Variants in TIPARP observed in about 807,000 individuals in gnomAD.
TIPARP encodes TCDD inducible poly(ADP-ribose) polymerase.
A neutral mutation model predicts 56.5 loss-of-function variants in TIPARP; 12 were observed. The ratio of observed to expected loss-of-function variants is 0.21; its 90% CI spans 0.14 to 0.34. The LOEUF is 0.34. Among genes scored for constraint, TIPARP ranks in the 10% least tolerant of loss-of-function variants. TIPARP has a pLI of 1.00. For missense variants in TIPARP, 604 were observed against 781.6 expected (o/e 0.77, Z 2.71); for synonymous variants, 296 against 265.7 (o/e 1.11, Z -1.11).
At chr3:156,682,350 A>G (rs903685357) in intron 2 of TIPARP, among the ~76,000 whole-genome samples, 4 of 152,176 alleles carry the variant, frequency 2.6e-5, no homozygotes, top group African/African-American at 9.7e-5. Flanking sequence ...TTTTGGGATT[A>G]ATGCTCACTG....
chr3:156,695,743 C>A, intron 3 of TIPARP, 122 bp from the exon 4 acceptor site: 3 of 1,327,400 alleles, frequency 2.3e-6, no homozygotes, highest in Non-Finnish European at 3.0e-6. Context: ...GTTATTTAGA[C>A]TCACTGTACT....
chr3:156,686,287 C>T lies in TIPARP; in HGVS notation c.917+7673C>T, dbSNP rs184341708. On this transcript the variant is annotated intron_variant, in intron 2 of 5. Transcript: ENST00000295924. ...TCTTAACTAATTGATAAAATTGAAT[C>T]TATCATAGAAACTTGGCTTTGTAGA... is the stretch of plus-strand genomic sequence containing the variant. Among the ~76,000 whole-genome samples the T allele has an allele frequency of 2.0e-5, 3 of 152,282 alleles. No homozygotes were observed. In the East Asian group the frequency reaches 5.8e-4, roughly 29 times the overall value.
intron 2 of TIPARP, among the ~76,000 whole-genome samples, chr3:156,688,141 C>G (rs1464936510): frequency 6.6e-6 from 1 of 152,038 alleles, no homozygotes; most frequent in Non-Finnish European, 1.5e-5. Flanking sequence ...GTAATCTTAG[C>G]TTTTTGGAAG....
intron 2 of TIPARP, among the ~76,000 whole-genome samples, chr3:156,680,642 A>G (rs1286993003): frequency 1.3e-5 from 2 of 152,222 alleles, no homozygotes; most frequent in Non-Finnish European, 2.9e-5. Context: ...TACCATGAGA[A>G]CAAGGCAAGA....
chr3:156,705,402 T>C lies in TIPARP; in HGVS notation c.*271T>C, dbSNP rs948246044. ...CTCTTTTCATTCACACTTGTACATA[T>C]AGACAGCAATGTTATTAGGAGCATT... is the stretch of plus-strand genomic sequence containing the variant. On this transcript the variant is annotated 3_prime_UTR_variant, in exon 6 of 6. Coordinates refer to ENST00000295924, the MANE Select transcript of TIPARP (RefSeq NM_015508.5). The C allele has an allele frequency of 1.1e-5, 3 of 266,532 alleles. No individual in the cohort carries two copies. Among genetic ancestry groups the C allele is most frequent in the Admixed American group, 9.7e-5 (2 of 20,698 alleles). 16.5% of individuals were successfully genotyped at this position (266,532 alleles called of 1,614,324 possible).
chr3:156,678,807 G>A lies in TIPARP; in HGVS notation c.917+193G>A, dbSNP rs192077304. On this transcript the variant is annotated intron_variant, in intron 2 of 5. Transcript: ENST00000295924. ...CTATTAACTCAACCGGACAATGAAA[G>A]TTTTACGATTTGAACAATTCATATG... 2.6e-4 allele frequency among the ~76,000 whole-genome samples: 40 copies of A among 152,288 alleles called. 1 individual carries two copies. The South Asian group carries it at 5.4e-3, about 21-fold the overall frequency.
In TIPARP at chr3:156,678,247, T is replaced by G. The variant is rs777469638; in HGVS notation, c.550T>G (p.Tyr184Asp). ...SPDCLDKVID[Y>D]VPGIFQENSF... ...TGACTGCTTAGACAAAGTCATAGAT[T>G]ATGTTCCAGGCATTTTCCAAGAAAA... The change falls in exon 2 of 6, where the codon TAT becomes GAT. Residue 184 changes from tyrosine to aspartate, a missense_variant. Coordinates refer to ENST00000295924, the MANE Select transcript of TIPARP (RefSeq NM_015508.5). The G allele has an allele frequency of 1.2e-6, 2 of 1,614,158 alleles. No homozygotes were observed. The highest frequency in any genetic ancestry group is 1.1e-5 in the South Asian group (1 of 91,090).
rs940503635 is a variant in TIPARP, at chr3:156,692,854, AT to A, written c.918-1155del. Among the ~76,000 whole-genome samples, 23 of 148,846 alleles carry A rather than the reference AT, an allele frequency of 1.5e-4. No individual in the cohort carries two copies. The South Asian group carries it at 2.5e-3, about 16-fold the overall frequency. ...CTAGCTAGCAAAACCCGTAGATCAA[AT>A]TTTTTTTTTTAGACAGTTTCACTCT... On this transcript the variant is annotated intron_variant, in intron 2 of 5. Transcript: ENST00000295924.
intron 1 of TIPARP, among the ~76,000 whole-genome samples, chr3:156,676,102 G>A (rs1722118436): frequency 6.6e-6 from 1 of 152,218 alleles, no homozygotes; most frequent in African/African-American, 2.4e-5. Flanking sequence ...AGCACAGGCC[G>A]GTTTGGTATG....
In TIPARP at chr3:156,695,581, C is replaced by G. The variant is rs546788734; in HGVS notation, c.1087-284C>G. 1.4e-3 allele frequency among the ~76,000 whole-genome samples: 211 copies of G among 151,988 alleles called. 1 individual carries two copies. The highest frequency in any genetic ancestry group is 2.8e-3 in the Non-Finnish European group (187 of 67,976). On this transcript the variant is annotated intron_variant, in intron 3 of 5. Coordinates refer to ENST00000295924, the MANE Select transcript of TIPARP (RefSeq NM_015508.5). The stretch of plus-strand genomic sequence containing the variant: ...CTCCCTTAAGAAATATGAACGAAAA[C>G]TCTCTATGATATTATTAAGGCTCAA...
intron 1 of TIPARP, 80 bp downstream of exon 1, chr3:156,674,876 CG>C (rs909525111): frequency 2.9e-4 from 44 of 153,292 alleles, no homozygotes; most frequent in African/African-American, 1.0e-3. Flanking sequence ...GCTCCGGCCC[CG>C]GCCCCGGCCC....
intron 2 of TIPARP, among the ~76,000 whole-genome samples, chr3:156,683,796 A>G (rs867290328): frequency 2.6e-5 from 4 of 152,336 alleles, no homozygotes; most frequent in Middle Eastern, 3.4e-3. Context: ...ATAAAGCAGT[A>G]TGTAGTCTAT....
At position 156,688,093 on chromosome 3, in the gene TIPARP, A is replaced by G. The variant is rs568283283; in HGVS notation, c.918-5927A>G. Among the ~76,000 whole-genome samples the G allele has an allele frequency of 7.2e-5, 11 of 152,280 alleles. No homozygotes were observed. The South Asian group carries it at 2.3e-3, about 32-fold the overall frequency. On this transcript the variant is annotated intron_variant, in intron 2 of 5. Transcript: ENST00000295924. ...TCATAGTGTGGTAATTAAGTGTAGA[A>G]TTTTAACCTCTGAGGCTGGGCGCAG...
chr3:156,683,925 TTGTC>T (rs926440316), intron 2 of TIPARP, among the ~76,000 whole-genome samples: 1 of 152,206 alleles, frequency 6.6e-6, no homozygotes, highest in African/African-American at 2.4e-5. Context: ...TCTGCATCCT[TTGTC>T]TGATGGTGAT....
rs1300910429 is a variant in TIPARP at position 156,706,592 on chromosome 3, A to G, written c.*1461A>G. The G allele has an allele frequency of 1.3e-5, 2 of 152,640 alleles. No individual in the cohort carries two copies. The highest frequency in any genetic ancestry group is 2.4e-5 in the African/African-American group (1 of 41,448). 9.5% of individuals were successfully genotyped at this position (152,640 alleles called of 1,614,324 possible). ...GTGGCTGTTACAGTTCTTTCATTCA[A>G]TTATAACTTGTAAACCAGTGACTCC... On this transcript the variant is annotated 3_prime_UTR_variant, in exon 6 of 6. Coordinates refer to ENST00000295924, the MANE Select transcript of TIPARP (RefSeq NM_015508.5).
intron 2 of TIPARP, among the ~76,000 whole-genome samples, chr3:156,685,436 C>T (rs757438813): frequency 3.3e-5 from 5 of 152,180 alleles, no homozygotes; most frequent in Admixed American, 6.5e-5. Context: ...CAGTGACTTT[C>T]GAGTATGTGT....
At position 156,678,220 on chromosome 3, in the gene TIPARP, C is replaced by A; in HGVS notation, c.523C>A (p.Pro175Thr). The stretch of plus-strand genomic sequence containing the variant: ...AGTTTCAAGTGATGTTCCTACTAGT[C>A]CTGACTGCTTAGACAAAGTCATAGA... Reference protein sequence around the residue: ...HPVSSDVPTSPDCLDKVIDYV... With the variant: ...HPVSSDVPTSTDCLDKVIDYV... The change falls in exon 2 of 6, where the codon CCT becomes ACT. Residue 175 changes from proline to threonine, a missense_variant. Physicochemically the swap from Pro to Thr is conservative, Grantham distance 38. Around this residue, in one of 4 missense-constraint regions of TIPARP, gnomAD observed 261 missense variants for 279.2 expected, o/e 0.93. Transcript: ENST00000295924. The A allele has an allele frequency of 6.2e-7, 1 of 1,614,128 alleles. No homozygotes were observed. The highest frequency in any genetic ancestry group is 1.1e-5 in the South Asian group (1 of 91,084).
intron 2 of TIPARP, among the ~76,000 whole-genome samples, chr3:156,682,849 GTGTT>G (rs1722340263): frequency 6.6e-6 from 1 of 152,216 alleles, no homozygotes; most frequent in African/African-American, 2.4e-5. Context: ...AGCAAGAACT[GTGTT>G]TGAAGTGACT....
intron 2 of TIPARP, among the ~76,000 whole-genome samples, chr3:156,688,486 C>CT (rs1722485633): frequency 6.7e-6 from 1 of 148,844 alleles, no homozygotes; most frequent in Non-Finnish European, 1.5e-5. Context: ...ATTGCCGCCC[C>CT]CCCCCGCAAT....
Sources: allele counts gnomAD v4.1 joint callset (sites outside exome capture counted in the v4.1 genomes callset), GRCh38; gene constraint gnomAD v4.1.1; regional missense constraint gnomAD v4.1.1; transcripts MANE v1.5; gene names NCBI Gene and HGNC (gene_info 2026-07-23, HGNC 2026-07-21).